The following CNTNAP5 variants were observed in gnomAD, a reference collection of about 807,000 sequenced individuals.
The protein encoded by CNTNAP5 is contactin-associated protein-like 5.
CNTNAP5 carries 72 observed loss-of-function variants against 150.2 expected under a neutral mutation model. The observed-to-expected ratio is 0.48, with a 90% CI of 0.40 to 0.58. The LOEUF (loss-of-function observed/expected upper bound fraction) is 0.58, where lower values mean the gene tolerates loss of function less well. Among genes scored for constraint, CNTNAP5 ranks in the 20% least tolerant of loss-of-function variants. The pLI is 0.00. For missense variants in CNTNAP5, 1,636 were observed against 1,626.2 expected, an observed-to-expected ratio of 1.01 and a Z score of -0.10; for synonymous variants, 672 against 619.8, an observed-to-expected ratio of 1.08 and a Z score of -1.25.
chr2:124,902,506 C>T (rs1465686220), intron 21 of CNTNAP5, among the ~76,000 whole-genome samples: 1 of 152,118 alleles, frequency 6.6e-6, no homozygotes, highest in Non-Finnish European at 1.5e-5. Flanking sequence ...GCACTAATCA[C>T]CAGTATCCAA....
chr2:124,120,919 A>G (rs1422018654), intron 1 of CNTNAP5, among the ~76,000 whole-genome samples: 1 of 152,042 alleles, frequency 6.6e-6, no homozygotes, highest in Non-Finnish European at 1.5e-5. Flanking sequence ...AAGGCATGTG[A>G]GGGGTCTCTG....
At chr2:124,540,849 A>C (rs1053992419) in intron 10 of CNTNAP5, among the ~76,000 whole-genome samples, 31 of 152,128 alleles carry the variant, frequency 2.0e-4, no homozygotes, top group African/African-American at 7.5e-4. Context: ...TAATCATGGA[A>C]ATAAACATAT....
At chr2:124,541,182 T>TTTTTTTTTTTTTTTTTTTTTTTG in intron 10 of CNTNAP5, among the ~76,000 whole-genome samples, 2 of 145,924 alleles carry the variant, frequency 1.4e-5, no homozygotes, top group Non-Finnish European at 3.0e-5. Flanking sequence ...AATTCCGATT[T>TTTTTTTTTTTTTTTTTTTTTTTG]TTTTTTTTTT....
chr2:124,583,749 C>T (rs2134754), intron 11 of CNTNAP5, among the ~76,000 whole-genome samples: 140,961 of 152,188 alleles, frequency 0.93, 66,209 homozygotes, highest in East Asian at 1. Flanking sequence ...CTCATCTCAC[C>T]GGTGAGGCAG....
intron 1 of CNTNAP5, among the ~76,000 whole-genome samples, chr2:124,123,245 G>A (rs527948707): frequency 6.6e-6 from 1 of 152,170 alleles, no homozygotes; most frequent in Non-Finnish European, 1.5e-5. Flanking sequence ...GGCACACCAG[G>A]AGATTATATC....
intron 11 of CNTNAP5, among the ~76,000 whole-genome samples, chr2:124,579,654 A>T (rs966217952): frequency 6.6e-6 from 1 of 152,216 alleles, no homozygotes; most frequent in Admixed American, 6.5e-5. Flanking sequence ...GTTTGCATGC[A>T]GCCTTCTCTA....
chr2:124,781,790 A>AT (rs1169893211), intron 17 of CNTNAP5, among the ~76,000 whole-genome samples: 1 of 152,088 alleles, frequency 6.6e-6, no homozygotes, highest in African/African-American at 2.4e-5. Flanking sequence ...ATTCTCTGCC[A>AT]TTTTCCCACA....
At chr2:124,838,511 G>A (rs1033738922) in intron 19 of CNTNAP5, among the ~76,000 whole-genome samples, 4 of 152,126 alleles carry the variant, frequency 2.6e-5, no homozygotes, top group Non-Finnish European at 4.4e-5. Flanking sequence ...ATTATTATGC[G>A]TTTTGACTAG....
chr2:124,780,281 G>A (rs749710120), intron 17 of CNTNAP5, among the ~76,000 whole-genome samples: 1 of 152,110 alleles, frequency 6.6e-6, no homozygotes, highest in South Asian at 2.1e-4. Flanking sequence ...AATGATTTGT[G>A]CCTTCACCCC....
chr2:124,412,881 G>A (rs1691810155), intron 3 of CNTNAP5, among the ~76,000 whole-genome samples: 1 of 103,952 alleles, frequency 9.6e-6, no homozygotes, highest in Non-Finnish European at 1.9e-5. Flanking sequence ...TTGACAAATG[G>A]GATCTAATTA....
chr2:124,271,356 A>T (rs990554355), intron 3 of CNTNAP5, among the ~76,000 whole-genome samples: 5 of 152,110 alleles, frequency 3.3e-5, no homozygotes, highest in Admixed American at 3.3e-4. Flanking sequence ...GACATTCTGG[A>T]GGGGCATGTC....
At chr2:124,205,533 C>T (rs1685841633) in intron 1 of CNTNAP5, among the ~76,000 whole-genome samples, 1 of 151,986 alleles carries the variant, frequency 6.6e-6, no homozygotes, top group South Asian at 2.1e-4. Flanking sequence ...ATTCTCCTGC[C>T]TCAGCCTCCC....
chr2:124,494,192 G>A (rs1043657362), intron 7 of CNTNAP5, among the ~76,000 whole-genome samples: 1 of 151,902 alleles, frequency 6.6e-6, no homozygotes, highest in Non-Finnish European at 1.5e-5. Context: ...GGAGACACTG[G>A]GATGTTTATA....
chr2:124,530,304 C>A (rs182503330), intron 10 of CNTNAP5, among the ~76,000 whole-genome samples: 4 of 152,086 alleles, frequency 2.6e-5, no homozygotes, highest in South Asian at 2.1e-4. Context: ...AGCAAGACTC[C>A]GTCTAAAAAT....
chr2:124,208,108 A>G (rs572189926), intron 1 of CNTNAP5, among the ~76,000 whole-genome samples: 1 of 152,260 alleles, frequency 6.6e-6, no homozygotes, highest in East Asian at 1.9e-4. Context: ...GAGGCCTGAA[A>G]TGTCTCAAAA....
intron 1 of CNTNAP5, among the ~76,000 whole-genome samples, chr2:124,215,340 T>C (rs943143792): frequency 6.6e-6 from 1 of 152,148 alleles, no homozygotes; most frequent in African/African-American, 2.4e-5. Flanking sequence ...AATAAAAATA[T>C]ATGTTGGCAA....
chr2:124,747,119 T>G, intron 13 of CNTNAP5, 110 bp from the exon 14 acceptor site: 3 of 900,870 alleles, frequency 3.3e-6, no homozygotes, highest in South Asian at 2.5e-5. Flanking sequence ...GGGAAGGAGA[T>G]TATCTATATA....
intron 1 of CNTNAP5, among the ~76,000 whole-genome samples, chr2:124,044,108 A>G (rs1431791370): frequency 2.6e-5 from 4 of 152,192 alleles, no homozygotes; most frequent in South Asian, 2.1e-4. Context: ...TTCAGAGTAC[A>G]TTGAACTGCA....
chr2:124,759,334 A>AAT (rs965678123), intron 14 of CNTNAP5, among the ~76,000 whole-genome samples: 8 of 146,910 alleles, frequency 5.4e-5, no homozygotes, highest in African/African-American at 1.5e-4. Flanking sequence ...TTTCTAGAAA[A>AAT]ATATATATAT....
Sources: allele counts gnomAD v4.1 joint callset (sites outside exome capture counted in the v4.1 genomes callset), GRCh38; gene constraint gnomAD v4.1.1; transcripts MANE v1.5; gene names NCBI Gene and HGNC (gene_info 2026-07-23, HGNC 2026-07-21).